Variants in LDLRAD4 observed in about 807,000 individuals in gnomAD.
LDLRAD4 encodes low density lipoprotein receptor class A domain containing 4.
LDLRAD4 carries 5 observed loss-of-function variants against 17.0 expected under a neutral mutation model. The observed-to-expected ratio is 0.29, with a 90% CI of 0.15 to 0.62. The LOEUF is 0.62. Among genes scored for constraint, LDLRAD4 ranks in the 20% least tolerant of loss-of-function variants. The pLI, the probability that LDLRAD4 is intolerant of heterozygous loss-of-function variation, is 0.84. For synonymous variants in LDLRAD4, 168 were observed against 171.8 expected (o/e 0.98, Z 0.17); for missense variants, 340 against 424.7 (o/e 0.80, Z 1.75).
chr18:13,537,846 A>G (rs2094221525), intron 3 of LDLRAD4, among the ~76,000 whole-genome samples: 1 of 152,178 alleles, frequency 6.6e-6, no homozygotes, highest in Non-Finnish European at 1.5e-5. Context: ...ATTATTATTT[A>G]GATTATTTAA....
intron 1 of LDLRAD4, among the ~76,000 whole-genome samples, chr18:13,317,604 C>T (rs1398419556): frequency 6.6e-6 from 1 of 152,184 alleles, no homozygotes; most frequent in Non-Finnish European, 1.5e-5. Context: ...GAAGACCTTA[C>T]AGTATTGTTG....
At chr18:13,405,028 G>A (rs2087598804) in intron 2 of LDLRAD4, among the ~76,000 whole-genome samples, 1 of 152,004 alleles carries the variant, frequency 6.6e-6, no homozygotes, top group African/African-American at 2.4e-5. Context: ...GAAGCAGTGG[G>A]AACCCCTGGG....
chr18:13,586,033 G>A (rs1337811228), intron 3 of LDLRAD4, among the ~76,000 whole-genome samples: 1 of 152,160 alleles, frequency 6.6e-6, no homozygotes, highest in Non-Finnish European at 1.5e-5. Flanking sequence ...AAGCACTGGA[G>A]TGAATGAAAG....
chr18:13,571,460 T>A (rs1218857074), intron 3 of LDLRAD4, among the ~76,000 whole-genome samples: 1 of 152,172 alleles, frequency 6.6e-6, no homozygotes, highest in East Asian at 1.9e-4. Flanking sequence ...CATGCCACAC[T>A]ACTGCCTCTG....
At chr18:13,436,694 G>A (rs2090680277) in intron 2 of LDLRAD4, among the ~76,000 whole-genome samples, 1 of 152,170 alleles carries the variant, frequency 6.6e-6, no homozygotes, top group African/African-American at 2.4e-5. Context: ...ATTTCAAACA[G>A]CTGGGTTTTA....
chr18:13,321,243 C>A (rs7236934), intron 1 of LDLRAD4, among the ~76,000 whole-genome samples: 60,062 of 152,022 alleles, frequency 0.4, 12,377 homozygotes, highest in African/African-American at 0.51. Flanking sequence ...TGCATCTCCC[C>A]CAGAGGCCTA....
At chr18:13,616,537 C>T (rs2040094551) in intron 3 of LDLRAD4, among the ~76,000 whole-genome samples, 1 of 152,182 alleles carries the variant, frequency 6.6e-6, no homozygotes, top group Admixed American at 6.5e-5. Flanking sequence ...CCAGAGTCCC[C>T]AGAGCAAGGC....
At chr18:13,567,038 C>T (rs1456144065) in intron 3 of LDLRAD4, among the ~76,000 whole-genome samples, 8 of 152,162 alleles carry the variant, frequency 5.3e-5, no homozygotes, top group Non-Finnish European at 1.0e-4. Flanking sequence ...AGAACCAAGC[C>T]GCGCCTGGCC....
At chr18:13,218,079 CG>C (rs1288052374), upstream of LDLRAD4, 2 of 151,732 alleles carry the variant, frequency 1.3e-5, no homozygotes, top group African/African-American at 2.4e-5. Flanking sequence ...GCCTCCGCTC[CG>C]GGGGGGCGGC....
chr18:13,436,883 TTC>T (rs1224011609), intron 2 of LDLRAD4, among the ~76,000 whole-genome samples: 1 of 152,250 alleles, frequency 6.6e-6, no homozygotes, highest in East Asian at 1.9e-4. Context: ...CTCGGCTGGT[TTC>T]TTTTTCTATA....
chr18:13,623,498 C>G (rs2040845070), intron 4 of LDLRAD4, among the ~76,000 whole-genome samples: 1 of 152,216 alleles, frequency 6.6e-6, no homozygotes, highest in South Asian at 2.1e-4. Flanking sequence ...TGGGAGCTGT[C>G]CCTCCTCGAG....
chr18:13,581,832 G>T (rs2148451631), intron 3 of LDLRAD4, among the ~76,000 whole-genome samples: 1 of 151,966 alleles, frequency 6.6e-6, no homozygotes, highest in South Asian at 2.1e-4. Context: ...GCATGAGCTT[G>T]TGTGTGTGTG....
intron 3 of LDLRAD4, among the ~76,000 whole-genome samples, chr18:13,530,158 T>G (rs1003993984): frequency 2.6e-5 from 4 of 152,212 alleles, no homozygotes; most frequent in Non-Finnish European, 4.4e-5. Flanking sequence ...TCCAGACTCC[T>G]TGATGGATGA....
chr18:13,452,333 G>A (rs1282908683), intron 3 of LDLRAD4, among the ~76,000 whole-genome samples: 1 of 152,146 alleles, frequency 6.6e-6, no homozygotes, highest in African/African-American at 2.4e-5. Context: ...GCAGCGCTTG[G>A]AGGATGCAGC....
At chr18:13,291,172 C>G (rs76249091) in intron 1 of LDLRAD4, among the ~76,000 whole-genome samples, 3,838 of 152,308 alleles carry the variant, frequency 0.025, 67 homozygotes, top group Non-Finnish European at 0.037. Context: ...CACGCCGCCT[C>G]TCCTTCCCCA....
upstream of LDLRAD4, among the ~76,000 whole-genome samples, chr18:13,277,426 A>T (rs770200078): frequency 2.0e-4 from 31 of 152,220 alleles, no homozygotes; most frequent in Non-Finnish European, 2.6e-4. Context: ...GGACGGTGCG[A>T]TGCCCACAGA....
intron 1 of LDLRAD4, among the ~76,000 whole-genome samples, chr18:13,337,990 T>G (rs962983006): frequency 1.3e-5 from 2 of 152,216 alleles, no homozygotes; most frequent in African/African-American, 4.8e-5. Flanking sequence ...TAGAGGTAGA[T>G]GTATTTGAGT....
intron 4 of LDLRAD4, among the ~76,000 whole-genome samples, chr18:13,642,935 T>A (rs865942470): frequency 7.0e-6 from 1 of 143,122 alleles, no homozygotes; most frequent in Non-Finnish European, 1.5e-5. Flanking sequence ...TTTGTTTTTT[T>A]TTTTTCTTCT....
intron 4 of LDLRAD4, among the ~76,000 whole-genome samples, chr18:13,627,827 C>T (rs1431493765): frequency 1.3e-5 from 2 of 152,206 alleles, no homozygotes; most frequent in East Asian, 3.9e-4. Flanking sequence ...TCTCTGCTGG[C>T]CTTGGGAGCA....
Sources: gnomAD v4.1 joint callset for allele counts (sites outside exome capture counted in the v4.1 genomes callset) on GRCh38, gnomAD v4.1.1 for gene constraint, MANE v1.5 for transcripts, NCBI Gene and HGNC (gene_info 2026-07-23, HGNC 2026-07-21) for gene names.